Variants in NKAIN2 observed in about 807,000 individuals in gnomAD.
NKAIN2 encodes the protein sodium/potassium transporting ATPase interacting 2.
In NKAIN2, 14 loss-of-function variants were observed where a neutral mutation model predicts 32.6. The observed-to-expected ratio is 0.43, with a 90% confidence interval of 0.28 to 0.67. NKAIN2 has a LOEUF of 0.67. Ranked by LOEUF, NKAIN2 falls within the 30% of genes least tolerant of loss-of-function variation. NKAIN2 has a pLI of 0.17. For synonymous variants in NKAIN2, 80 were observed against 87.2 expected, an observed-to-expected ratio of 0.92 and a Z score of 0.46; for missense variants, 198 against 258.3, an observed-to-expected ratio of 0.77 and a Z score of 1.60.
intron 1 of NKAIN2, among the ~76,000 whole-genome samples, chr6:123,858,779 G>A (rs6932899): frequency 0.96 from 146,618 of 152,232 alleles, 70,747 homozygotes; most frequent in Non-Finnish European, 0.99. Context: ...AGCAGCTGAG[G>A]TCAGTACTGG....
chr6:124,552,631 AATGAAGTCACTGAGTTAAAT>A (rs1452113855), intron 3 of NKAIN2, among the ~76,000 whole-genome samples: 1 of 152,234 alleles, frequency 6.6e-6, no homozygotes, highest in Admixed American at 6.5e-5. Context: ...TAGCCAAGCC[AATGAAGTCACTGAGTTAAAT>A]ATTTAAGCAG....
intron 4 of NKAIN2, among the ~76,000 whole-genome samples, chr6:124,788,595 G>A (rs971217320): frequency 3.3e-5 from 5 of 152,056 alleles, no homozygotes; most frequent in Admixed American, 6.6e-5. Flanking sequence ...GAGAACAAAG[G>A]AGGAGAAAAG....
chr6:124,253,012 T>G (rs1339307986), intron 1 of NKAIN2, among the ~76,000 whole-genome samples: 1 of 152,152 alleles, frequency 6.6e-6, no homozygotes, highest in Non-Finnish European at 1.5e-5. Flanking sequence ...TCAGAATCCA[T>G]AAGATAACAA....
chr6:124,669,072 T>C (rs1772964345), intron 4 of NKAIN2, among the ~76,000 whole-genome samples: 1 of 152,146 alleles, frequency 6.6e-6, no homozygotes, highest in Non-Finnish European at 1.5e-5. Flanking sequence ...CTGGGCAATA[T>C]ATTGTGGCAA....
chr6:123,858,117 ATTAT>A (rs1775630392), intron 1 of NKAIN2, among the ~76,000 whole-genome samples: 1 of 149,520 alleles, frequency 6.7e-6, no homozygotes, highest in Non-Finnish European at 1.5e-5. Context: ...CATTATTATT[ATTAT>A]TTTTTTTTTT....
chr6:123,831,239 T>C (rs993277345), intron 1 of NKAIN2, among the ~76,000 whole-genome samples: 1 of 152,070 alleles, frequency 6.6e-6, no homozygotes, highest in African/African-American at 2.4e-5. Flanking sequence ...ATAATATACT[T>C]GGCAATTGCA....
At chr6:124,150,639 T>A (rs186747679) in intron 1 of NKAIN2, among the ~76,000 whole-genome samples, 2 of 152,182 alleles carry the variant, frequency 1.3e-5, no homozygotes. Flanking sequence ...TACTCAATTC[T>A]GTATGAAAAT....
At chr6:124,685,130 C>G (rs1430852061) in intron 4 of NKAIN2, among the ~76,000 whole-genome samples, 2 of 152,046 alleles carry the variant, frequency 1.3e-5, no homozygotes, top group Non-Finnish European at 2.9e-5. Context: ...AAATCCAATT[C>G]TGAGGATCAG....
At chr6:124,363,825 T>C (rs1028011974) in intron 3 of NKAIN2, among the ~76,000 whole-genome samples, 3 of 152,188 alleles carry the variant, frequency 2.0e-5, no homozygotes, top group African/African-American at 7.2e-5. Flanking sequence ...ATTTACAGTT[T>C]ATTTATGTGC....
At chr6:123,996,878 C>G (rs151071768) in intron 1 of NKAIN2, among the ~76,000 whole-genome samples, 5 of 152,072 alleles carry the variant, frequency 3.3e-5, no homozygotes, top group Admixed American at 6.5e-5. Flanking sequence ...TTTTACCGTG[C>G]TAAAATGGTA....
At chr6:124,380,963 A>G (rs1772608989) in intron 3 of NKAIN2, among the ~76,000 whole-genome samples, 1 of 152,218 alleles carries the variant, frequency 6.6e-6, no homozygotes, top group Admixed American at 6.5e-5. Context: ...GTGTAACTTC[A>G]AAGAAGACTA....
At chr6:124,102,469 T>A (rs1003737129) in intron 1 of NKAIN2, among the ~76,000 whole-genome samples, 5 of 152,000 alleles carry the variant, frequency 3.3e-5, no homozygotes, top group African/African-American at 1.2e-4. Context: ...GAAGATAGAG[T>A]CTGGAGGTGG....
intron 1 of NKAIN2, among the ~76,000 whole-genome samples, chr6:124,082,576 T>A (rs545108618): frequency 6.6e-6 from 1 of 152,066 alleles, no homozygotes; most frequent in South Asian, 2.1e-4. Flanking sequence ...AAAAAACATT[T>A]AGAACAATAG....
At chr6:124,036,722 A>T (rs540881599) in intron 1 of NKAIN2, among the ~76,000 whole-genome samples, 1 of 152,108 alleles carries the variant, frequency 6.6e-6, no homozygotes, top group South Asian at 2.1e-4. Flanking sequence ...GTCAAACTAT[A>T]CCCTATAGGA....
chr6:124,363,360 C>T (rs1205207337), intron 3 of NKAIN2, among the ~76,000 whole-genome samples: 6 of 152,082 alleles, frequency 3.9e-5, no homozygotes, highest in Non-Finnish European at 7.4e-5. Context: ...ACCCTGGGTG[C>T]ATTTGTTGTT....
intron 1 of NKAIN2, among the ~76,000 whole-genome samples, chr6:124,089,454 C>T (rs1331425323): frequency 6.6e-6 from 1 of 151,834 alleles, no homozygotes; most frequent in Non-Finnish European, 1.5e-5. Context: ...ATTTTGTAAA[C>T]CTTGCTATTT....
At chr6:124,459,060 C>T (rs1776428909) in intron 3 of NKAIN2, among the ~76,000 whole-genome samples, 1 of 151,776 alleles carries the variant, frequency 6.6e-6, no homozygotes, top group Non-Finnish European at 1.5e-5. Flanking sequence ...TTTTTGATCA[C>T]CAAAGGCAAG....
chr6:124,230,185 A>G (rs1386616700), intron 1 of NKAIN2, among the ~76,000 whole-genome samples: 2 of 152,172 alleles, frequency 1.3e-5, no homozygotes, highest in African/African-American at 4.8e-5. Context: ...ATGTTTTAGC[A>G]AAGAGACTGG....
At chr6:124,738,578 CAT>C (rs5879755) in intron 4 of NKAIN2, among the ~76,000 whole-genome samples, 66,044 of 151,400 alleles carry the variant, frequency 0.44, 14,582 homozygotes, top group African/African-American at 0.47. Flanking sequence ...CTTATTTTCA[CAT>C]AGACCATGTG....
Sources: gnomAD v4.1 joint callset for allele counts (sites outside exome capture counted in the v4.1 genomes callset) on GRCh38, gnomAD v4.1.1 for gene constraint, MANE v1.5 for transcripts, NCBI Gene and HGNC (gene_info 2026-07-23, HGNC 2026-07-21) for gene names.